Variants in PLEKHG3 observed in about 807,000 individuals in gnomAD.
PLEKHG3 encodes the protein pleckstrin homology and RhoGEF domain containing G3.
In PLEKHG3, 62 loss-of-function variants were observed where a neutral mutation model predicts 94.9. The observed-to-expected ratio is 0.65, with a 90% CI of 0.53 to 0.81. The LOEUF is 0.81. Among genes scored for constraint, PLEKHG3 ranks in the 30% least tolerant of loss-of-function variants. PLEKHG3 has a pLI of 0.00. For missense variants in PLEKHG3, 1,461 were observed against 1,619.3 expected, an observed-to-expected ratio of 0.90 and a Z score of 1.68; for synonymous variants, 614 against 654.0, an observed-to-expected ratio of 0.94 and a Z score of 0.93.
rs1357575616 is a variant in PLEKHG3 at position 64,742,303 on chromosome 14, T to C, written c.2786T>C (p.Leu929Pro). ...CGCGTCAAGAACAAGGTCTACCAGCTGGCCCGCCAGTACAGCCTCCGGATC... is the reference window on the plus strand; with the variant it reads ...CGCGTCAAGAACAAGGTCTACCAGCCGGCCCGCCAGTACAGCCTCCGGATC... ...SERVKNKVYQ[L>P]ARQYSLRIKS... is the part of the protein sequence containing the mutation. Residue 929 changes from leucine (L) to proline (P), a missense_variant, in exon 16 of 17, where the codon CTG (leucine) becomes CCG (proline). Physicochemically the swap from Leu to Pro is moderately conservative, Grantham distance 98 (BLOSUM62 -3). This residue lies in a region of PLEKHG3 where 1,201 missense variants were observed against 1,295.5 expected (regional missense o/e 0.93). Transcript: ENST00000247226. 1.2e-6 allele frequency: 2 copies of C among 1,612,738 alleles called. No homozygotes were observed. Among genetic ancestry groups the C allele is most frequent in the Non-Finnish European group, 1.7e-6 (2 of 1,180,020 alleles).
At chr14:64,714,967 G>T (rs1188935833) in intron 1 of PLEKHG3, among the ~76,000 whole-genome samples, 1 of 152,160 alleles carries the variant, frequency 6.6e-6, no homozygotes, top group Non-Finnish European at 1.5e-5. Context: ...CTGAGTTGAG[G>T]CAATAGAACA....
At chr14:64,706,714 T>TCCG (rs1271667845) in intron 1 of PLEKHG3, among the ~76,000 whole-genome samples, 1 of 152,230 alleles carries the variant, frequency 6.6e-6, no homozygotes, top group East Asian at 1.9e-4. Context: ...CCTTACCAAA[T>TCCG]CCGCAGCTAT....
Position 64,726,231 on chromosome 14 carries a change from C to T in PLEKHG3, c.-39-1362C>T, listed in dbSNP as rs556197255. Among the ~76,000 whole-genome samples the T allele has an allele frequency of 1.1e-3, 165 of 152,186 alleles. No homozygotes were observed. The highest frequency in any genetic ancestry group is 2.0e-3 in the Non-Finnish European group (137 of 67,994). The stretch of plus-strand genomic sequence containing the variant: ...TGGTTTCCAGGTTGAGGCATAGGCA[C>T]AGAAAACCAGGGGTCAGTGTCAAGG... On this transcript the variant is annotated intron_variant, in intron 1 of 16. Transcript: ENST00000247226. This position sits in a 1 kb window ranked among gnomAD's most constrained non-coding sequence, Gnocchi z 5.1.
chr14:64,717,908 C>T lies in PLEKHG3; in HGVS notation c.-39-9685C>T, dbSNP rs2081196483. Among the ~76,000 whole-genome samples, 1 of 152,238 alleles carries T rather than the reference C, an allele frequency of 6.6e-6. No individual in the cohort carries two copies. On this transcript the variant is annotated intron_variant, in intron 1 of 16. Transcript: ENST00000247226. The surrounding 1 kb of genome is among the most constrained non-coding windows in gnomAD (Gnocchi z 4.7). Reference sequence around the variant, plus strand: ...TCCACGTGTCTTGGTAGTTGTTCTTCCAGACCTGGCTTGGATCTGTCCTTT... The same window carrying T: ...TCCACGTGTCTTGGTAGTTGTTCTTTCAGACCTGGCTTGGATCTGTCCTTT...
At position 64,727,505 on chromosome 14, in the gene PLEKHG3, CA is replaced by C; in HGVS notation, c.-39-87del. The C allele has an allele frequency of 2.2e-6, 1 of 462,408 alleles. No homozygotes were observed. The allele number at this position is 462,408 out of a possible 1,614,324, so 28.6% of individuals were successfully genotyped here. A position where few individuals can be genotyped will look rare whatever the true frequency, so the allele number is the denominator to read the frequency against. On this transcript the variant is annotated intron_variant, in intron 1 of 16. Transcript: ENST00000247226. The surrounding 1 kb of genome is among the most constrained non-coding windows in gnomAD (Gnocchi z 6.0). Reference sequence around the variant, plus strand: ...TGCACTAAATAATACCTTCCCACCCCACCTGCCCCCACCCCTGGCAACCGTC... The same window carrying C: ...TGCACTAAATAATACCTTCCCACCCCCCTGCCCCCACCCCTGGCAACCGTC...
rs868339479 is a variant in PLEKHG3, at chr14:64,748,983, C to A, written c.*5280C>A. 1.6e-5 allele frequency: 4 copies of A among 245,050 alleles called. No homozygotes were observed. The highest frequency in any genetic ancestry group is 2.4e-5 in the African/African-American group (1 of 42,362). The allele number at this position is 245,050 out of a possible 1,614,324, so 15.2% of individuals were successfully genotyped here. A position where few individuals can be genotyped will look rare whatever the true frequency, so the allele number is the denominator to read the frequency against. ...TGGGGGTAAGGGGCCTGTGCCCCCT[C>A]GGCTCAGGAGGAGGGTGGGAGAGGA... On this transcript the variant is annotated 3_prime_UTR_variant, in exon 17 of 17. Transcript: ENST00000247226.
chr14:64,715,370 C>G lies in PLEKHG3; in HGVS notation c.-40+10666C>G, dbSNP rs750549282. ...CCAGCAAACCCTGGCTCCTCTACTTCCCTGACTGTATGGCCCTGGGTACCA... is the reference window on the plus strand; with the variant it reads ...CCAGCAAACCCTGGCTCCTCTACTTGCCTGACTGTATGGCCCTGGGTACCA... On this transcript the variant is annotated intron_variant, in intron 1 of 16. Coordinates refer to ENST00000247226, the MANE Select transcript of PLEKHG3 (RefSeq NM_001308147.2). The surrounding 1 kb of genome is among the most constrained non-coding windows in gnomAD (Gnocchi z 4.4). Among the ~76,000 whole-genome samples the G allele has an allele frequency of 4.6e-5, 7 of 152,182 alleles. No homozygotes were observed. The highest frequency in any genetic ancestry group is 4.6e-4 in the Admixed American group (7 of 15,278).
At chr14:64,705,740 G>T (rs2080961622) in intron 1 of PLEKHG3, among the ~76,000 whole-genome samples, 1 of 152,318 alleles carries the variant, frequency 6.6e-6, no homozygotes, top group East Asian at 1.9e-4. Flanking sequence ...CGGCCACCTC[G>T]CCTTCAGCAG....
chr14:64,747,568 A>ACAT lies in PLEKHG3; in HGVS notation c.*3866_*3868dup. The ACAT allele has an allele frequency of 6.6e-6, 1 of 152,512 alleles. No homozygotes were observed. Among genetic ancestry groups the ACAT allele is most frequent in the East Asian group, 1.9e-4 (1 of 5,172 alleles). 9.4% of individuals were successfully genotyped at this position (152,512 alleles called of 1,614,324 possible). On this transcript the variant is annotated 3_prime_UTR_variant, in exon 17 of 17. Coordinates refer to ENST00000247226, the MANE Select transcript of PLEKHG3 (RefSeq NM_001308147.2). ...GCCTGCTGCAGTTGGTGTCACCCTG[A>ACAT]CATATAGTGTCAGGGCCACAGGGTG...
At position 64,743,471 on chromosome 14, in the gene PLEKHG3, G is replaced by T. The variant is rs752309030; in HGVS notation, c.3428G>T (p.Arg1143Leu). Reference sequence around the variant, plus strand: ...GACCTCACCCTGGAGGACAACCGGCGGGTGATTGTCATGGAGAAGGGACCC... The same window carrying T: ...GACCTCACCCTGGAGGACAACCGGCTGGTGATTGTCATGGAGAAGGGACCC... ...TADLTLEDNR[R>L]VIVMEKGPLP... Residue 1143 changes from arginine to leucine, a missense_variant, in exon 17 of 17, where the codon CGG becomes CTG. Around this residue, in one of 3 missense-constraint regions of PLEKHG3, gnomAD observed 1,201 missense variants for 1,295.5 expected, o/e 0.93. Transcript: ENST00000247226. This position sits in a 1 kb window ranked among gnomAD's most constrained non-coding sequence, Gnocchi z 7.2. 3 of 1,613,076 alleles carry T rather than the reference G, an allele frequency of 1.9e-6. No individual in the cohort carries two copies. The highest frequency in any genetic ancestry group is 2.5e-6 in the Non-Finnish European group (3 of 1,180,020).
At chr14:64,736,669 C>T (rs561824177) in intron 12 of PLEKHG3, among the ~76,000 whole-genome samples, 184 bp from the exon 13 acceptor site, 1 of 152,316 alleles carries the variant, frequency 6.6e-6, no homozygotes, top group African/African-American at 2.4e-5. Context: ...GCCTCCCTGT[C>T]CGTAGGTGCA....
intron 15 of PLEKHG3, among the ~76,000 whole-genome samples, chr14:64,740,716 G>T (rs529972337): frequency 1.3e-5 from 2 of 152,236 alleles, no homozygotes; most frequent in African/African-American, 2.4e-5. Context: ...ACCCACTGTT[G>T]TGTGTTCCCA....
In PLEKHG3 at chr14:64,732,350, A is replaced by G. The variant is rs1185019534; in HGVS notation, c.1213-77A>G. The G allele has an allele frequency of 1.4e-6, 2 of 1,394,392 alleles. No homozygotes were observed. The highest frequency in any genetic ancestry group is 2.0e-6 in the Non-Finnish European group (2 of 980,266). The allele number at this position is 1,394,392 out of a possible 1,614,324, so 86.4% of individuals were successfully genotyped here. ...GCAGCACTGTGGGGTGTCCTCGTAC[A>G]GCAACAGTGGGTCCTATGGGCAGGG... On this transcript the variant is annotated intron_variant, in intron 10 of 16. Transcript: ENST00000247226. This position sits in a 1 kb window ranked among gnomAD's most constrained non-coding sequence, Gnocchi z 4.9.
chr14:64,732,784 G>A lies in PLEKHG3; in HGVS notation c.1247-19G>A, dbSNP rs752047715. The A allele has an allele frequency of 8.2e-6, 13 of 1,578,358 alleles. No individual in the cohort carries two copies. Among genetic ancestry groups the A allele is most frequent in the South Asian group, 3.5e-5 (3 of 86,784 alleles). ...CCAATTGGGAATCAAAAGCTTGATC[G>A]TCTCTCTCCTGGGTGCAGATCCCAA... On this transcript the variant is annotated intron_variant, in intron 11 of 16. Coordinates refer to ENST00000247226, the MANE Select transcript of PLEKHG3 (RefSeq NM_001308147.2). The surrounding 1 kb of genome is among the most constrained non-coding windows in gnomAD (Gnocchi z 4.9).
chr14:64,742,596 C>T lies in PLEKHG3; in HGVS notation c.2938+141C>T, dbSNP rs2081728518. 1.1e-5 allele frequency: 7 copies of T among 664,928 alleles called. No homozygotes were observed. The South Asian group carries it at 1.2e-4, about 11-fold the overall frequency. 41.2% of individuals were successfully genotyped at this position (664,928 alleles called of 1,614,324 possible). ...AGCTGGACCCTGGGCACTAAGGGCA[C>T]AGGGTGAGCCCTGGCAGCCAGTCCA... On this transcript the variant is annotated intron_variant, in intron 16 of 16. Transcript: ENST00000247226.
Position 64,743,840 on chromosome 14 carries a change from A to G in PLEKHG3, c.*137A>G. On this transcript the variant is annotated 3_prime_UTR_variant, in exon 17 of 17. Coordinates refer to ENST00000247226, the MANE Select transcript of PLEKHG3 (RefSeq NM_001308147.2). This position sits in a 1 kb window ranked among gnomAD's most constrained non-coding sequence, Gnocchi z 7.2. ...GGAAAGTCCATCCCCTCCGCCCTTC[A>G]GGAAGGATGCTCCCGTGTGCAGGGG... 1 of 920,938 alleles carries G rather than the reference A, an allele frequency of 1.1e-6. No homozygotes were observed. The highest frequency in any genetic ancestry group is 1.8e-5 in the South Asian group (1 of 54,210). The allele number at this position is 920,938 out of a possible 1,614,324, so 57.0% of individuals were successfully genotyped here.
chr14:64,727,708 C>T lies in PLEKHG3; in HGVS notation c.77C>T (p.Ser26Leu), dbSNP rs201653361. ...AGCCTGACCTCTACCACCTCCTCGT[C>T]GGGCTCCTCCTGTGACAGTCGCAGT... is the stretch of plus-strand genomic sequence containing the variant. ...PVSLTSTTSSSGSSCDSRSAM... is the reference protein window; with the variant it reads ...PVSLTSTTSSLGSSCDSRSAM... Residue 26 changes from serine (S) to leucine (L), a missense_variant, in exon 2 of 17, where the codon TCG becomes TTG. Physicochemically the swap from Ser to Leu is moderately radical, Grantham distance 145. This residue lies in a region of PLEKHG3 where 253 missense variants were observed against 297.8 expected (regional missense o/e 0.85). Coordinates refer to ENST00000247226, the MANE Select transcript of PLEKHG3 (RefSeq NM_001308147.2). This position sits in a 1 kb window ranked among gnomAD's most constrained non-coding sequence, Gnocchi z 6.0. The T allele has an allele frequency of 2.3e-4, 365 of 1,612,218 alleles. No homozygotes were observed. The highest frequency in any genetic ancestry group is 3.3e-4 in the Middle Eastern group (2 of 6,060).
rs573244732 is a variant in PLEKHG3 at position 64,704,923 on chromosome 14, G to A, written c.-40+219G>A. 2.6e-5 allele frequency among the ~76,000 whole-genome samples: 4 copies of A among 152,202 alleles called. No individual in the cohort carries two copies. The highest frequency in any genetic ancestry group is 4.4e-5 in the Non-Finnish European group (3 of 68,040). Reference sequence around the variant, plus strand: ...CGCGAGCGCAGGAGGGTCGTATGGGGAGACTTTTTCTGTCTTTTTTTCCCT... The same window carrying A: ...CGCGAGCGCAGGAGGGTCGTATGGGAAGACTTTTTCTGTCTTTTTTTCCCT... On this transcript the variant is annotated intron_variant, in intron 1 of 16. Coordinates refer to ENST00000247226, the MANE Select transcript of PLEKHG3 (RefSeq NM_001308147.2). The surrounding 1 kb of genome is among the most constrained non-coding windows in gnomAD (Gnocchi z 5.6).
chr14:64,733,815 T>C (rs932261415), intron 12 of PLEKHG3, among the ~76,000 whole-genome samples: 5 of 152,246 alleles, frequency 3.3e-5, no homozygotes, highest in Non-Finnish European at 5.9e-5. Context: ...CTTGCTTTTA[T>C]TCTAAACTCC....
Sources: gnomAD v4.1 joint callset for allele counts (sites outside exome capture counted in the v4.1 genomes callset) on GRCh38, gnomAD v4.1.1 for gene constraint, gnomAD v4.1.1 regional missense constraint, Gnocchi (gnomAD v3.1) non-coding constraint, MANE v1.5 for transcripts, NCBI Gene and HGNC (gene_info 2026-07-23, HGNC 2026-07-21) for gene names.